The following AFF1 variants were observed in gnomAD, a reference collection of about 807,000 sequenced individuals.
AFF1 encodes the protein AF4/FMR2 family member 1.
AFF1 carries 48 observed loss-of-function variants against 121.7 expected under a neutral mutation model. The observed-to-expected ratio is 0.39, with a 90% CI of 0.31 to 0.50. AFF1 has a LOEUF of 0.50. AFF1 is among the 20% of genes least tolerant of loss of function. The pLI is 0.76. For missense variants in AFF1, 1,523 were observed against 1,511.7 expected (o/e 1.01, Z -0.12); for synonymous variants, 613 against 563.0 (o/e 1.09, Z -1.26).
At chr4:86,952,204 GTCAT>G (rs1236861922) in intron 2 of AFF1, among the ~76,000 whole-genome samples, 2 of 152,028 alleles carry the variant, frequency 1.3e-5, no homozygotes, top group Admixed American at 6.5e-5. Flanking sequence ...GTATTCTGAA[GTCAT>G]TCATCATTTT....
intron 5 of AFF1, among the ~76,000 whole-genome samples, chr4:87,085,651 A>T (rs1723650545): frequency 6.6e-6 from 1 of 151,986 alleles, no homozygotes; most frequent in South Asian, 2.1e-4. Flanking sequence ...GTAGTATCTA[A>T]CCAGTTGTTT....
chr4:86,996,697 T>C (rs1180568716), intron 2 of AFF1, among the ~76,000 whole-genome samples: 1 of 151,694 alleles, frequency 6.6e-6, no homozygotes, highest in Non-Finnish European at 1.5e-5. Flanking sequence ...TCCCCCTCTG[T>C]GAGAAACACC....
At chr4:87,040,711 A>G (rs896785939) in intron 2 of AFF1, among the ~76,000 whole-genome samples, 12 of 151,748 alleles carry the variant, frequency 7.9e-5, no homozygotes, top group Non-Finnish European at 1.6e-4. Context: ...CTGGGATTAC[A>G]GGCGCCTGCC....
rs1163600992 is a variant in AFF1 at position 87,046,894 on chromosome 4, A to G, written c.359A>G (p.His120Arg). The change falls in exon 4 of 21, where the codon CAC becomes CGC. Residue 120 changes from histidine to arginine, a missense_variant. His to Arg is a conservative substitution (Grantham distance 29, BLOSUM62 0). Around this residue, in one of 5 missense-constraint regions of AFF1, gnomAD observed 369 missense variants for 367.2 expected, o/e 1.00. Coordinates refer to ENST00000395146, the MANE Select transcript of AFF1 (RefSeq NM_001166693.3). ...AGCTCCTTCCACACTAGTGTCCACC[A>G]CCAGTCCATTCACACTCCTGCGTCT... The part of the protein sequence containing the change: ...PSSSFHTSVH[H>R]QSIHTPASGP... The G allele has an allele frequency of 1.9e-6, 3 of 1,614,042 alleles. No individual in the cohort carries two copies. In the African/African-American group the frequency reaches 4.0e-5, roughly 22 times the overall value.
At chr4:87,046,652 T>A (rs1192814709) in intron 3 of AFF1, 43 bp from the exon 4 acceptor site, 1 of 1,559,230 alleles carries the variant, frequency 6.4e-7, no homozygotes, top group East Asian at 2.3e-5. Flanking sequence ...AATGGTAGTT[T>A]TCCTTAGTTT....
intron 2 of AFF1, among the ~76,000 whole-genome samples, chr4:86,964,697 G>A (rs1235795677): frequency 6.6e-6 from 1 of 152,136 alleles, no homozygotes; most frequent in Non-Finnish European, 1.5e-5. Flanking sequence ...GCCTCCCAAA[G>A]TGCTGGGATT....
chr4:87,041,422 G>C (rs187515368), intron 2 of AFF1, among the ~76,000 whole-genome samples: 1 of 152,118 alleles, frequency 6.6e-6, no homozygotes, highest in Non-Finnish European at 1.5e-5. Flanking sequence ...TTGGAAACTT[G>C]TTCAACATAC....
intron 2 of AFF1, among the ~76,000 whole-genome samples, chr4:87,012,207 C>G (rs544879488): frequency 1.6e-5 from 2 of 126,594 alleles, no homozygotes; most frequent in Non-Finnish European, 3.3e-5. Flanking sequence ...CAAACTTCTC[C>G]ATTTCATTTC....
intron 2 of AFF1, among the ~76,000 whole-genome samples, chr4:86,958,080 CTTTTTTTTTCCTT>C (rs1560501302): frequency 2.5e-5 from 3 of 120,970 alleles, no homozygotes; most frequent in African/African-American, 6.1e-5. Flanking sequence ...TGAACTTTTT[CTTTTTTTTTCCTT>C]TTTTTTTTTT....
chr4:87,091,121 T>C (rs545855995), intron 6 of AFF1, among the ~76,000 whole-genome samples: 1 of 151,886 alleles, frequency 6.6e-6, no homozygotes, highest in South Asian at 2.1e-4. Flanking sequence ...ATGTAACTCA[T>C]GGACCGGGCA....
intron 2 of AFF1, among the ~76,000 whole-genome samples, chr4:87,005,221 T>C (rs377358085): frequency 9.8e-5 from 15 of 152,330 alleles, no homozygotes; most frequent in African/African-American, 3.1e-4. Flanking sequence ...TTAAGCGATC[T>C]GCCTGCCTTA....
intron 4 of AFF1, among the ~76,000 whole-genome samples, chr4:87,080,694 C>T (rs781633015): frequency 3.3e-5 from 5 of 152,176 alleles, no homozygotes; most frequent in Admixed American, 6.5e-5. Context: ...TAGGATGTAA[C>T]GGTTTAACTG....
intron 1 of AFF1, 36 bp from the exon 2 acceptor site, chr4:86,948,462 C>T: frequency 7.1e-7 from 1 of 1,407,392 alleles, no homozygotes; most frequent in Non-Finnish European, 9.7e-7. Flanking sequence ...TACTCACAGG[C>T]TAATGTTCAC....
chr4:87,008,559 A>G (rs75010727), intron 2 of AFF1, among the ~76,000 whole-genome samples: 1,876 of 151,870 alleles, frequency 0.012, 17 homozygotes, highest in Non-Finnish European at 0.02. Flanking sequence ...CAAGTAGTAG[A>G]ACTTGGATGA....
At chr4:86,980,478 G>A (rs535726567) in intron 2 of AFF1, among the ~76,000 whole-genome samples, 1 of 152,168 alleles carries the variant, frequency 6.6e-6, no homozygotes, top group African/African-American at 2.4e-5. Flanking sequence ...GCATTGTAGT[G>A]AGACCCCATC....
At chr4:86,937,020 G>T (rs1432317237) in intron 1 of AFF1, among the ~76,000 whole-genome samples, 2 of 152,178 alleles carry the variant, frequency 1.3e-5, no homozygotes, top group Admixed American at 1.3e-4. Flanking sequence ...GGGACTTTTG[G>T]GGAAAATGAG....
rs539896400 is a variant in AFF1, at chr4:87,077,195, T to A, written c.1060-6925T>A. Reference sequence around the variant, plus strand: ...AACTTTCTAGTCTAGTTTGGAAAGTTCGTGAAGTTTAGCAAGTGAACACTG... The same window carrying A: ...AACTTTCTAGTCTAGTTTGGAAAGTACGTGAAGTTTAGCAAGTGAACACTG... On this transcript the variant is annotated intron_variant, in intron 4 of 20. Coordinates refer to ENST00000395146, the MANE Select transcript of AFF1 (RefSeq NM_001166693.3). 1.5e-3 allele frequency among the ~76,000 whole-genome samples: 229 copies of A among 152,354 alleles called. 1 individual carries two copies. The highest frequency in any genetic ancestry group is 4.9e-3 in the African/African-American group (203 of 41,584).
intron 4 of AFF1, among the ~76,000 whole-genome samples, chr4:87,070,189 A>G (rs952227552): frequency 6.6e-6 from 1 of 152,134 alleles, no homozygotes; most frequent in African/African-American, 2.4e-5. Flanking sequence ...TTTTTAGTAG[A>G]AACGGGGTTT....
chr4:86,958,621 G>A (rs1219107427), intron 2 of AFF1, among the ~76,000 whole-genome samples: 2 of 152,076 alleles, frequency 1.3e-5, no homozygotes, highest in Admixed American at 6.6e-5. Context: ...GGGAGGCTGA[G>A]GCAGGCGAAC....
Sources: allele counts gnomAD v4.1 joint callset (sites outside exome capture counted in the v4.1 genomes callset), GRCh38; gene constraint gnomAD v4.1.1; regional missense constraint gnomAD v4.1.1; transcripts MANE v1.5; gene names NCBI Gene and HGNC (gene_info 2026-07-23, HGNC 2026-07-21).